Variants in HOMER1 observed in about 807,000 individuals in gnomAD.
The protein encoded by HOMER1 is homer scaffold protein 1, also known as homer protein homolog 1.
Under a neutral mutation model 48.9 loss-of-function variants are expected in HOMER1, and 3 were observed. The observed-to-expected ratio is 0.06, with a 90% CI of 0.03 to 0.16. The LOEUF (loss-of-function observed/expected upper bound fraction) is 0.16, where lower values mean the gene tolerates loss of function less well. Among genes scored for constraint, HOMER1 ranks in the 10% least tolerant of loss-of-function variants. HOMER1 has a pLI of 1.00. For missense variants in HOMER1, 247 were observed against 411.4 expected, an observed-to-expected ratio of 0.60 and a Z score of 3.46; for synonymous variants, 134 against 146.4, an observed-to-expected ratio of 0.92 and a Z score of 0.61.
chr5:79,507,168 G>A (rs531647322), intron 1 of HOMER1, among the ~76,000 whole-genome samples: 21 of 137,328 alleles, frequency 1.5e-4, no homozygotes, highest in South Asian at 1.4e-3. Flanking sequence ...AGCCAAGATC[G>A]CGCCACTGCA....
intron 6 of HOMER1, among the ~76,000 whole-genome samples, chr5:79,399,577 T>C (rs1749481752): frequency 6.6e-6 from 1 of 152,250 alleles, no homozygotes; most frequent in South Asian, 2.1e-4. Context: ...TACAGCAAAA[T>C]TGAAATACAT....
Position 79,401,935 on chromosome 5 carries a change from A to G in HOMER1, c.648T>C (p.Ala216=). The change falls in exon 6 of 9, where the codon GCT becomes GCC. Residue 216 remains alanine (A), a synonymous_variant. Transcript: ENST00000334082. ...GACGTTCTGCTTCCTCTTGATAGGC[A>G]GCAAGTTGCTGTTTCCATTGTTTCA... ...ANVKQWKQQL[A]AYQEEAERLH... 6.2e-7 allele frequency: 1 copy of G among 1,613,942 alleles called. No homozygotes were observed. Among genetic ancestry groups the G allele is most frequent in the Non-Finnish European group, 8.5e-7 (1 of 1,179,876 alleles).
intron 4 of HOMER1, among the ~76,000 whole-genome samples, chr5:79,446,646 CTCTT>C (rs779109054): frequency 3.3e-5 from 5 of 151,252 alleles, no homozygotes; most frequent in African/African-American, 1.2e-4. Flanking sequence ...TTCTCTCTCT[CTCTT>C]TTTCTTTTTG....
At chr5:79,397,882 T>C (rs368743787) in intron 6 of HOMER1, 7 of 273,854 alleles carry the variant, frequency 2.6e-5, no homozygotes, top group African/African-American at 1.3e-4. Context: ...AATTAAGTGA[T>C]TAATGACAGT....
chr5:79,406,429 T>C (rs1749664654), intron 5 of HOMER1, among the ~76,000 whole-genome samples: 1 of 152,200 alleles, frequency 6.6e-6, no homozygotes. Flanking sequence ...TCTAAGGCTC[T>C]TGGGAGCCAG....
At chr5:79,386,546 T>A (rs1487526429) in intron 8 of HOMER1, among the ~76,000 whole-genome samples, 2 of 152,202 alleles carry the variant, frequency 1.3e-5, no homozygotes, top group Admixed American at 1.3e-4. Context: ...TAAGTTCTAA[T>A]GTTTGATAGC....
At chr5:79,392,954 GGAGAGAGAGAGAGA>G (rs3082001) in intron 8 of HOMER1, among the ~76,000 whole-genome samples, 13 of 140,960 alleles carry the variant, frequency 9.2e-5, no homozygotes, top group Non-Finnish European at 6.1e-5. Context: ...GAAGGGAAAG[GGAGAGAGAGAGAGA>G]GAGAGAGAGA....
chr5:79,403,352 T>C (rs1749581365), intron 5 of HOMER1, among the ~76,000 whole-genome samples: 1 of 152,156 alleles, frequency 6.6e-6, no homozygotes, highest in Non-Finnish European at 1.5e-5. Context: ...ATATATTTTA[T>C]TTAAAAAGCA....
chr5:79,427,856 T>C (rs1750314687), intron 5 of HOMER1, among the ~76,000 whole-genome samples: 1 of 152,004 alleles, frequency 6.6e-6, no homozygotes, highest in African/African-American at 2.4e-5. Context: ...CAAGGTTTTT[T>C]TATATTATTT....
intron 8 of HOMER1, among the ~76,000 whole-genome samples, chr5:79,392,234 G>T (rs555037189): frequency 3.9e-5 from 6 of 152,188 alleles, no homozygotes; most frequent in African/African-American, 1.4e-4. Flanking sequence ...TTATCTGACA[G>T]CCCCAGGCAG....
chr5:79,419,116 ATTT>A (rs913635949), intron 5 of HOMER1, among the ~76,000 whole-genome samples: 1 of 151,492 alleles, frequency 6.6e-6, no homozygotes, highest in Admixed American at 6.6e-5. Flanking sequence ...GGATGTCTAT[ATTT>A]TTTTTTAAGG....
At chr5:79,449,308 CAT>C (rs904729311) in intron 3 of HOMER1, among the ~76,000 whole-genome samples, 5 of 152,016 alleles carry the variant, frequency 3.3e-5, no homozygotes, top group Non-Finnish European at 7.4e-5. Flanking sequence ...TTAGAATAAA[CAT>C]ATAATTTCTC....
chr5:79,499,720 C>A (rs1352518989), intron 1 of HOMER1, among the ~76,000 whole-genome samples: 1 of 152,060 alleles, frequency 6.6e-6, no homozygotes, highest in African/African-American at 2.4e-5. Flanking sequence ...TAGAAAAATG[C>A]AAATACACGT....
intron 5 of HOMER1, among the ~76,000 whole-genome samples, chr5:79,433,581 A>C (rs928147935): frequency 1.8e-4 from 28 of 151,952 alleles, no homozygotes; most frequent in African/African-American, 6.5e-4. Context: ...AAAAACAAAC[A>C]AACAAAAAAG....
chr5:79,452,686 T>TA (rs963633373), intron 2 of HOMER1, among the ~76,000 whole-genome samples: 3,292 of 148,334 alleles, frequency 0.022, 127 homozygotes, highest in African/African-American at 0.076. Context: ...CCTGTCCTAC[T>TA]AAAAAAAAAA....
At chr5:79,501,748 C>T (rs1752598596) in intron 1 of HOMER1, among the ~76,000 whole-genome samples, 2 of 152,172 alleles carry the variant, frequency 1.3e-5, no homozygotes, top group South Asian at 4.1e-4. Context: ...GGGAATCCAG[C>T]ACATGATCTG....
At chr5:79,466,801 AT>A (rs1027341090) in intron 1 of HOMER1, among the ~76,000 whole-genome samples, 4 of 148,420 alleles carry the variant, frequency 2.7e-5, no homozygotes, top group Non-Finnish European at 3.0e-5. Context: ...CTTAAAAACT[AT>A]TTTTTTTTTA....
At chr5:79,473,322 T>C (rs1306302978) in intron 1 of HOMER1, among the ~76,000 whole-genome samples, 1 of 152,178 alleles carries the variant, frequency 6.6e-6, no homozygotes, top group African/African-American at 2.4e-5. Context: ...ACATTTGTGA[T>C]TCTTTTTTTG....
At position 79,429,702 on chromosome 5, in the gene HOMER1, G is replaced by T. The variant is rs546993761; in HGVS notation, c.527+9308C>A. 5.1e-4 allele frequency among the ~76,000 whole-genome samples: 78 copies of T among 152,128 alleles called. 1 individual carries two copies. The highest frequency in any genetic ancestry group is 6.8e-3 in the Middle Eastern group (2 of 294). On this transcript the variant is annotated intron_variant, in intron 5 of 8. Coordinates refer to ENST00000334082, the MANE Select transcript of HOMER1 (RefSeq NM_004272.5). Reference sequence around the variant, plus strand: ...GATATGATACCAAAAGTGCAAGAAAGAAAAAAATGAATTAGACTTATTTAA... The same window carrying T: ...GATATGATACCAAAAGTGCAAGAAATAAAAAAATGAATTAGACTTATTTAA...
Sources: gnomAD v4.1 joint callset for allele counts (sites outside exome capture counted in the v4.1 genomes callset) on GRCh38, gnomAD v4.1.1 for gene constraint, MANE v1.5 for transcripts, NCBI Gene and HGNC (gene_info 2026-07-23, HGNC 2026-07-21) for gene names.